Variants in ICA1L observed in about 807,000 individuals in gnomAD.
ICA1L encodes islet cell autoantigen 1-like protein.
Under a neutral mutation model 61.3 loss-of-function variants are expected in ICA1L, and 50 were observed. That is an observed-to-expected ratio of 0.82 (90% CI 0.65 to 1.03). ICA1L has a LOEUF of 1.03. Ranked by LOEUF, ICA1L falls within the 50% of genes least tolerant of loss-of-function variation. The pLI, the probability that ICA1L is intolerant of heterozygous loss-of-function variation, is 0.00. For missense variants in ICA1L, 508 were observed against 556.7 expected, an observed-to-expected ratio of 0.91 and a Z score of 0.88; for synonymous variants, 161 against 191.3, an observed-to-expected ratio of 0.84 and a Z score of 1.31.
At chr2:202,788,427 C>T (rs1480537212) in intron 11 of ICA1L, among the ~76,000 whole-genome samples, 1 of 152,168 alleles carries the variant, frequency 6.6e-6, no homozygotes, top group East Asian at 1.9e-4. Context: ...ACTCTCTTCT[C>T]CTGCTGCCTT....
At chr2:202,837,512 C>T (rs1468835044) in intron 1 of ICA1L, among the ~76,000 whole-genome samples, 1 of 151,880 alleles carries the variant, frequency 6.6e-6, no homozygotes, top group East Asian at 1.9e-4. Context: ...ACCTCGTGAT[C>T]CGCCCACCTC....
At chr2:202,790,318 AAAAT>A (rs1288880963) in intron 10 of ICA1L, among the ~76,000 whole-genome samples, 1 of 152,256 alleles carries the variant, frequency 6.6e-6, no homozygotes, top group Non-Finnish European at 1.5e-5. Flanking sequence ...GTTATTTTTC[AAAAT>A]AAATAAGCAT....
intron 1 of ICA1L, among the ~76,000 whole-genome samples, chr2:202,848,255 G>A (rs1402248081): frequency 6.6e-6 from 1 of 152,138 alleles, no homozygotes; most frequent in Non-Finnish European, 1.5e-5. Flanking sequence ...GAGCCACCGC[G>A]CCCAGCCAAA....
intron 2 of ICA1L, among the ~76,000 whole-genome samples, chr2:202,826,198 T>C (rs114653266): frequency 6.1e-4 from 93 of 152,282 alleles, no homozygotes; most frequent in African/African-American, 2.1e-3. Context: ...GATTAGTGAA[T>C]TTACTATAAA....
In ICA1L at chr2:202,814,691, T is replaced by C. The variant is rs915581814; in HGVS notation, c.866+11A>G. On this transcript the variant is annotated intron_variant, in intron 8 of 12. Transcript: ENST00000358299. ...TCTATAACATGACACAGATGACTTA[T>C]GCCTGCTTACTTATTGAGCTGTTCA... The C allele has an allele frequency of 1.0e-5, 16 of 1,587,976 alleles. No individual in the cohort carries two copies. The highest frequency in any genetic ancestry group is 1.4e-5 in the Non-Finnish European group (16 of 1,156,714).
At chr2:202,813,192 G>A (rs1453320282) in intron 8 of ICA1L, among the ~76,000 whole-genome samples, 1 of 151,810 alleles carries the variant, frequency 6.6e-6, no homozygotes, top group Admixed American at 6.6e-5. Flanking sequence ...CCTGGGAGGG[G>A]GAGGTGGCAG....
At chr2:202,809,918 A>G (rs1431693850) in intron 9 of ICA1L, among the ~76,000 whole-genome samples, 1 of 152,224 alleles carries the variant, frequency 6.6e-6, no homozygotes, top group Admixed American at 6.5e-5. Flanking sequence ...TGGGGTAGAA[A>G]GTTTATTCAA....
In ICA1L at chr2:202,779,282, T is replaced by TAGTTTCTAATATTTTCCACATAGA. The variant is rs879564650; in HGVS notation, c.*227_*250dup. On this transcript the variant is annotated 3_prime_UTR_variant, in exon 13 of 13. Coordinates refer to ENST00000358299, the MANE Select transcript of ICA1L (RefSeq NM_001288622.3). The stretch of plus-strand genomic sequence containing the variant: ...CAGTATCTAAATATCGCAAACTCTG[T>TAGTTTCTAATATTTTCCACATAGA]AGTTTCTAATATTTTCCACATAGAA... The TAGTTTCTAATATTTTCCACATAGA allele has an allele frequency of 3.2e-5, 12 of 370,942 alleles. No individual in the cohort carries two copies. The highest frequency in any genetic ancestry group is 6.9e-4 in the Middle Eastern group (1 of 1,440). The allele number at this position is 370,942 out of a possible 1,614,324, so 23.0% of individuals were successfully genotyped here. A position where few individuals can be genotyped will look rare whatever the true frequency, so the allele number is the denominator to read the frequency against.
At chr2:202,811,940 A>T in intron 8 of ICA1L, 151 bp from the exon 9 acceptor site, 1 of 670,140 alleles carries the variant, frequency 1.5e-6, no homozygotes, top group Non-Finnish European at 2.7e-6. Context: ...ATATCTGGTG[A>T]ATTTCCTACT....
intron 10 of ICA1L, among the ~76,000 whole-genome samples, chr2:202,792,637 T>C (rs1692788547): frequency 6.6e-6 from 1 of 151,934 alleles, no homozygotes; most frequent in South Asian, 2.1e-4. Context: ...ACCCCATCTC[T>C]ACTAAAAATA....
chr2:202,865,417 C>T (rs555121743), intron 1 of ICA1L, among the ~76,000 whole-genome samples: 1 of 150,508 alleles, frequency 6.6e-6, no homozygotes, highest in East Asian at 1.9e-4. Context: ...TGCAGTGAGC[C>T]GAGAGTGCAC....
At chr2:202,782,465 T>A (rs1339903555) in intron 12 of ICA1L, among the ~76,000 whole-genome samples, 1 of 151,586 alleles carries the variant, frequency 6.6e-6, no homozygotes, top group Non-Finnish European at 1.5e-5. Context: ...TGGAGGGCAA[T>A]GGTATGATCT....
intron 11 of ICA1L, chr2:202,786,833 A>C: frequency 2.4e-6 from 1 of 425,450 alleles, no homozygotes; most frequent in South Asian, 1.7e-5. Flanking sequence ...TATGTTGTAT[A>C]AAATGACAGT....
intron 9 of ICA1L, among the ~76,000 whole-genome samples, chr2:202,802,876 G>A (rs1693120584): frequency 6.6e-6 from 1 of 151,490 alleles, no homozygotes; most frequent in Non-Finnish European, 1.5e-5. Flanking sequence ...GGAGGATGAA[G>A]AAAACTTTTA....
intron 10 of ICA1L, among the ~76,000 whole-genome samples, chr2:202,794,971 T>G (rs1399705446): frequency 7.0e-6 from 1 of 142,546 alleles, no homozygotes; most frequent in Non-Finnish European, 1.5e-5. Context: ...ATATTCAAAT[T>G]GAAAAAGTAA....
intron 9 of ICA1L, among the ~76,000 whole-genome samples, chr2:202,798,206 C>T (rs1283540799): frequency 6.6e-6 from 1 of 152,008 alleles, no homozygotes; most frequent in Non-Finnish European, 1.5e-5. Context: ...GATTCCATAT[C>T]TTGGCTATTG....
At chr2:202,810,603 C>T (rs955662033) in intron 9 of ICA1L, among the ~76,000 whole-genome samples, 1 of 152,082 alleles carries the variant, frequency 6.6e-6, no homozygotes, top group African/African-American at 2.4e-5. Flanking sequence ...ATCTGGATAC[C>T]TTGAAAAAAG....
At chr2:202,808,215 G>A (rs141070028) in intron 9 of ICA1L, among the ~76,000 whole-genome samples, 2 of 152,268 alleles carry the variant, frequency 1.3e-5, no homozygotes, top group Non-Finnish European at 2.9e-5. Context: ...GGCATTTCTG[G>A]ACCTGCCCTG....
intron 1 of ICA1L, 74 bp downstream of exon 1, chr2:202,871,545 C>A (rs1246306378): frequency 3.3e-5 from 5 of 152,176 alleles, no homozygotes; most frequent in Non-Finnish European, 2.9e-5. Context: ...GCCATGGGAA[C>A]CCGGGATTTG....
Sources: allele counts gnomAD v4.1 joint callset (sites outside exome capture counted in the v4.1 genomes callset), GRCh38; gene constraint gnomAD v4.1.1; transcripts MANE v1.5; gene names NCBI Gene and HGNC (gene_info 2026-07-23, HGNC 2026-07-21).